ABHD12: variants seen among roughly 807,000 people sequenced by gnomAD.
The protein encoded by ABHD12 is abhydrolase domain containing 12, lysophospholipase, also known as lysophosphatidylserine lipase ABHD12.
ABHD12 carries 43 observed loss-of-function variants against 58.3 expected under a neutral mutation model. That is an observed-to-expected ratio of 0.74 (90% confidence interval 0.58 to 0.95). The LOEUF is 0.95. Among genes scored for constraint, ABHD12 ranks in the 40% least tolerant of loss-of-function variants. The probability of loss-of-function intolerance (pLI) is 0.00; values close to 1 mark genes in which losing one functional copy is unlikely to be tolerated. For synonymous variants in ABHD12, 219 were observed against 211.2 expected, an observed-to-expected ratio of 1.04 and a Z score of -0.32; for missense variants, 539 against 537.2, an observed-to-expected ratio of 1.00 and a Z score of -0.03.
chr20:25,370,619 A>C (rs2089888129), intron 1 of ABHD12, among the ~76,000 whole-genome samples: 1 of 152,196 alleles, frequency 6.6e-6, no homozygotes, highest in Non-Finnish European at 1.5e-5. Flanking sequence ...TTAGAGCATG[A>C]GTAGTGGAGA....
chr20:25,372,417 C>A (rs2089910373), intron 1 of ABHD12, among the ~76,000 whole-genome samples: 1 of 152,102 alleles, frequency 6.6e-6, no homozygotes, highest in Non-Finnish European at 1.5e-5. Context: ...GTTTCCCAGG[C>A]TGGACTGGAA....
At chr20:25,334,202 C>T (rs2089324631) in intron 2 of ABHD12, among the ~76,000 whole-genome samples, 1 of 151,010 alleles carries the variant, frequency 6.6e-6, no homozygotes. Flanking sequence ...CTCCCATTCA[C>T]AATTGCTTCA....
chr20:25,386,417 C>A (rs1254792318), intron 1 of ABHD12, among the ~76,000 whole-genome samples: 2 of 151,300 alleles, frequency 1.3e-5, no homozygotes, highest in Non-Finnish European at 2.9e-5. Flanking sequence ...CGCCACCACG[C>A]CTGGCTAATT....
At chr20:25,312,795 C>T (rs1433293917) in intron 6 of ABHD12, among the ~76,000 whole-genome samples, 7 of 151,464 alleles carry the variant, frequency 4.6e-5, no homozygotes, top group Admixed American at 2.6e-4. Context: ...CCCGCCGCCC[C>T]GTCTGGGATG....
chr20:25,327,539 C>A (rs1297882809), intron 2 of ABHD12, among the ~76,000 whole-genome samples: 1 of 152,050 alleles, frequency 6.6e-6, no homozygotes, highest in Non-Finnish European at 1.5e-5. Context: ...TGAAAGAGAT[C>A]TGACCTAACT....
chr20:25,307,989 C>T lies in ABHD12; in HGVS notation c.844G>A (p.Ala282Thr), dbSNP rs2088776274. 3.1e-6 allele frequency: 5 copies of T among 1,608,374 alleles called. No individual in the cohort carries two copies. Among genetic ancestry groups the T allele is most frequent in the Non-Finnish European group, 3.4e-6 (4 of 1,174,794 alleles). Residue 282 changes from alanine to threonine, a missense_variant, in exon 9 of 13, where the codon GCT (alanine) becomes ACT (threonine). Physicochemically the swap from Ala to Thr is moderately conservative, Grantham distance 58. Coordinates refer to ENST00000339157, the MANE Select transcript of ABHD12 (RefSeq NM_001042472.3). ...ESPFTNIREEAKSHPFSVIYR... is the reference protein window; with the variant it reads ...ESPFTNIREETKSHPFSVIYR... ...GCCACTGAAAATGGATGGCTCTTAG[C>T]TTCTTCGCGGATATTAGTGAATGGA...
At chr20:25,318,655 G>C (rs2089008204) in intron 4 of ABHD12, among the ~76,000 whole-genome samples, 1 of 135,292 alleles carries the variant, frequency 7.4e-6, no homozygotes, top group African/African-American at 2.8e-5. Flanking sequence ...TAAAGTTATA[G>C]GCAGGATCTT....
Position 25,326,159 on chromosome 20 carries a change from A to T in ABHD12, c.317-2729T>A, listed in dbSNP as rs184678280. 5.8e-3 allele frequency among the ~76,000 whole-genome samples: 824 copies of T among 142,388 alleles called. 7 individuals are homozygous for T. Among genetic ancestry groups the T allele is most frequent in the African/African-American group, 0.02 (774 of 39,058 alleles). The allele number at this position is 142,388 out of a possible 152,430, so 93.4% of individuals were successfully genotyped here. A position where few individuals can be genotyped will look rare whatever the true frequency, so the allele number is the denominator to read the frequency against. On this transcript the variant is annotated intron_variant, in intron 2 of 12. Transcript: ENST00000339157. ...GAAGGGAAGAAAGAGAAGAGAGAGG[A>T]AGGAAGGAAGGGAGAGAGGTAGGGA... is the stretch of plus-strand genomic sequence containing the variant.
intron 1 of ABHD12, among the ~76,000 whole-genome samples, chr20:25,386,408 G>A (rs1017860391): frequency 1.5e-4 from 22 of 150,716 alleles, no homozygotes; most frequent in African/African-American, 2.7e-4. Context: ...ACAGGCGCCC[G>A]CCACCACGCC....
intron 1 of ABHD12, among the ~76,000 whole-genome samples, chr20:25,380,031 G>A (rs192255466): frequency 8.5e-4 from 130 of 152,242 alleles, no homozygotes; most frequent in Admixed American, 3.7e-3. Flanking sequence ...GCCTTGTAAC[G>A]ATGCTTTTGA....
At chr20:25,350,922 G>C (rs1018406679) in intron 1 of ABHD12, among the ~76,000 whole-genome samples, 1 of 149,524 alleles carries the variant, frequency 6.7e-6, no homozygotes, top group Non-Finnish European at 1.5e-5. Context: ...AAAAGCTGTA[G>C]AAAAGCCTCA....
chr20:25,345,784 C>T (rs971472732), intron 1 of ABHD12, among the ~76,000 whole-genome samples: 1 of 152,078 alleles, frequency 6.6e-6, no homozygotes, highest in Admixed American at 6.6e-5. Context: ...ACTGATAACA[C>T]TAAATGCTAG....
At chr20:25,347,287 G>A (rs2089532253) in intron 1 of ABHD12, among the ~76,000 whole-genome samples, 1 of 152,100 alleles carries the variant, frequency 6.6e-6, no homozygotes, top group Admixed American at 6.6e-5. Flanking sequence ...AATACTGCCA[G>A]CATGCTGTTT....
rs903530969 is a variant in ABHD12 at position 25,335,008 on chromosome 20, G to A, written c.316+4219C>T. Among the ~76,000 whole-genome samples, 8 of 152,240 alleles carry A rather than the reference G, an allele frequency of 5.3e-5. No individual in the cohort carries two copies. In the South Asian group the frequency reaches 1.0e-3, roughly 20 times the overall value. ...CACAGCAAAAGAAACTACCATCAGA[G>A]TGAATAGGCAACCTACAAAATGGGA... On this transcript the variant is annotated intron_variant, in intron 2 of 12. Coordinates refer to ENST00000339157, the MANE Select transcript of ABHD12 (RefSeq NM_001042472.3).
chr20:25,377,810 G>A (rs1395136564), intron 1 of ABHD12, among the ~76,000 whole-genome samples: 2 of 152,274 alleles, frequency 1.3e-5, no homozygotes, highest in East Asian at 3.9e-4. Context: ...CGATTCTCCT[G>A]CCTCAGCCTC....
chr20:25,308,282 TGA>T (rs1375551590), intron 8 of ABHD12, among the ~76,000 whole-genome samples, 173 bp downstream of exon 8: 1 of 152,184 alleles, frequency 6.6e-6, no homozygotes, highest in Admixed American at 6.5e-5. Context: ...CCTGTGTGTG[TGA>T]GGCTCCCCAG....
At chr20:25,330,927 G>A (rs185287314) in intron 2 of ABHD12, among the ~76,000 whole-genome samples, 6 of 152,214 alleles carry the variant, frequency 3.9e-5, no homozygotes, top group Admixed American at 6.5e-5. Flanking sequence ...CCAAAGGAAC[G>A]CAGTTCCTCA....
intron 1 of ABHD12, among the ~76,000 whole-genome samples, chr20:25,384,396 C>G: frequency 6.7e-6 from 1 of 149,204 alleles, no homozygotes; most frequent in East Asian, 1.9e-4. Context: ...AAAAAGTTGG[C>G]AATACTACAC....
chr20:25,361,782 C>T (rs936560457), intron 1 of ABHD12, among the ~76,000 whole-genome samples: 6 of 151,780 alleles, frequency 4.0e-5, no homozygotes, highest in African/African-American at 1.2e-4. Flanking sequence ...GGTGAAACCT[C>T]GTCTCTACTA....
Sources: gnomAD v4.1 joint callset for allele counts (sites outside exome capture counted in the v4.1 genomes callset) on GRCh38, gnomAD v4.1.1 for gene constraint, MANE v1.5 for transcripts, NCBI Gene and HGNC (gene_info 2026-07-23, HGNC 2026-07-21) for gene names.